The following TENM2 variants were observed in gnomAD, a reference collection of about 807,000 sequenced individuals.
TENM2 encodes teneurin-2.
A neutral mutation model predicts 245.2 loss-of-function variants in TENM2; 52 were observed. The ratio of observed to expected loss-of-function variants is 0.21; its 90% CI spans 0.17 to 0.27. The LOEUF is 0.27. Among genes scored for constraint, TENM2 ranks in the 10% least tolerant of loss-of-function variants. The probability of loss-of-function intolerance (pLI) is 1.00; values close to 1 mark genes in which losing one functional copy is unlikely to be tolerated. For missense variants in TENM2, 3,046 were observed against 3,666.8 expected (o/e 0.83, Z 4.37); for synonymous variants, 1,363 against 1,438.9 (o/e 0.95, Z 1.19).
intron 2 of TENM2, among the ~76,000 whole-genome samples, chr5:167,394,580 T>G (rs1761950242): frequency 6.6e-6 from 1 of 152,004 alleles, no homozygotes; most frequent in Admixed American, 6.6e-5. Flanking sequence ...ATGTATGTAT[T>G]TATTTAGTTA....
In TENM2 at chr5:168,247,885, G is replaced by T. The variant is rs752431130; in HGVS notation, c.6946G>T (p.Gly2316Cys). 1 of 1,613,818 alleles carries T rather than the reference G, an allele frequency of 6.2e-7. No individual in the cohort carries two copies. The highest frequency in any genetic ancestry group is 8.5e-7 in the Non-Finnish European group (1 of 1,179,868). Residue 2316 changes from glycine (G) to cysteine (C), a missense_variant, in exon 27 of 29, where the codon GGC becomes TGC. By Grantham distance (159) the Gly-to-Cys change is radical. Transcript: ENST00000518659. The surrounding 1 kb of genome is among the most constrained non-coding windows in gnomAD (Gnocchi z 7.8). ...GCGGGCTTCCTACAAGACCAACCTG[G>T]GCCACCACCTGCAGTACTTCTACTC...
intron 1 of TENM2, chr5:167,309,967 TAGAC>T (rs550539908): frequency 9.8e-5 from 15 of 152,338 alleles, no homozygotes; most frequent in African/African-American, 2.9e-4. Context: ...ATTACTAAAA[TAGAC>T]AGAGAAAATA....
chr5:167,328,466 C>A (rs558165704), intron 1 of TENM2, among the ~76,000 whole-genome samples: 1 of 152,178 alleles, frequency 6.6e-6, no homozygotes, highest in Non-Finnish European at 1.5e-5. Flanking sequence ...AAGTGGATTA[C>A]AGGCGTGAGC....
the TENM2 span, among the ~76,000 whole-genome samples, chr5:167,228,043 T>TTTTATTTTAC: frequency 0.21 from 31,252 of 151,782 alleles, 3,748 homozygotes; most frequent in African/African-American, 0.33. Context: ...TTTTATTTTA[T>TTTTATTTTAC]TTTTTGACTG....
the TENM2 span, among the ~76,000 whole-genome samples, chr5:167,190,752 G>T: frequency 6.6e-6 from 1 of 152,030 alleles, no homozygotes; most frequent in Non-Finnish European, 1.5e-5. Context: ...CTCATCTGCA[G>T]TGTTGAGGGG....
intron 2 of TENM2, among the ~76,000 whole-genome samples, chr5:167,731,116 C>T (rs1760396627): frequency 6.6e-6 from 1 of 151,474 alleles, no homozygotes; most frequent in South Asian, 2.1e-4. Context: ...TTGAAAGATG[C>T]AAATAATCTT....
intron 2 of TENM2, among the ~76,000 whole-genome samples, chr5:167,461,232 T>TA (rs1200583775): frequency 1.3e-5 from 2 of 152,054 alleles, no homozygotes; most frequent in Non-Finnish European, 2.9e-5. Flanking sequence ...TTTTTTTTTT[T>TA]AACTTTCTTT....
the TENM2 span, among the ~76,000 whole-genome samples, chr5:167,196,566 G>GTGTATA: frequency 6.3e-5 from 9 of 143,470 alleles, no homozygotes; most frequent in African/African-American, 2.1e-4. Flanking sequence ...ATATGTGTGT[G>GTGTATA]TATATATATA....
At chr5:167,466,827 C>G (rs1036471142) in intron 2 of TENM2, among the ~76,000 whole-genome samples, 1 of 152,060 alleles carries the variant, frequency 6.6e-6, no homozygotes, top group Non-Finnish European at 1.5e-5. Flanking sequence ...ATGATTTTCT[C>G]ACGTAAGCAA....
the TENM2 span, among the ~76,000 whole-genome samples, chr5:167,264,105 CAAA>C: frequency 1.2e-3 from 131 of 106,968 alleles, no homozygotes; most frequent in African/African-American, 3.1e-3. Context: ...AACTCTGTCT[CAAA>C]AAAAAAAAAA....
intron 13 of TENM2, among the ~76,000 whole-genome samples, chr5:168,178,103 C>T (rs574005501): frequency 2.0e-5 from 3 of 152,280 alleles, no homozygotes; most frequent in African/African-American, 7.2e-5. Context: ...CCAAGCCTCC[C>T]ATCTTCCCCC....
At chr5:167,445,369 A>AGAGAGAGAGAGAGAGTGT (rs35699708) in intron 2 of TENM2, among the ~76,000 whole-genome samples, 4 of 98,576 alleles carry the variant, frequency 4.1e-5, no homozygotes, top group African/African-American at 1.0e-4. Context: ...AGAGAGAGAG[A>AGAGAGAGAGAGAGAGTGT]GTGTCAGGTG....
chr5:167,436,600 G>A (rs1764568812), intron 2 of TENM2, among the ~76,000 whole-genome samples: 1 of 152,210 alleles, frequency 6.6e-6, no homozygotes, highest in Admixed American at 6.5e-5. Context: ...AACGGGGAAA[G>A]TGTCTCCAGG....
chr5:167,569,726 G>A (rs939895378), intron 2 of TENM2, among the ~76,000 whole-genome samples: 25 of 152,132 alleles, frequency 1.6e-4, no homozygotes, highest in African/African-American at 5.8e-4. Flanking sequence ...TCATTATTGG[G>A]TAGGTGTTAG....
chr5:168,065,854 G>GTTTTT (rs546874434), intron 7 of TENM2, among the ~76,000 whole-genome samples: 2 of 144,132 alleles, frequency 1.4e-5, no homozygotes, highest in African/African-American at 2.5e-5. Context: ...AAGAACAAAG[G>GTTTTT]TTTTTTTTTT....
At chr5:167,421,496 G>C (rs1392615951) in intron 2 of TENM2, among the ~76,000 whole-genome samples, 2 of 152,126 alleles carry the variant, frequency 1.3e-5, no homozygotes, top group Non-Finnish European at 2.9e-5. Flanking sequence ...TGCTCAACAG[G>C]TGGCCCTCCT....
chr5:168,252,058 GA>G (rs1767161962), intron 27 of TENM2, among the ~76,000 whole-genome samples: 1 of 152,208 alleles, frequency 6.6e-6, no homozygotes, highest in South Asian at 2.1e-4. Flanking sequence ...TACCTGTGAT[GA>G]AAAGATATGA....
At chr5:167,662,693 C>A (rs1755293501) in intron 2 of TENM2, among the ~76,000 whole-genome samples, 1 of 152,168 alleles carries the variant, frequency 6.6e-6, no homozygotes, top group African/African-American at 2.4e-5. Flanking sequence ...ATGTTTTGTT[C>A]ACCATTGTTT....
At chr5:167,182,894 A>AT in the TENM2 span, among the ~76,000 whole-genome samples, 1 of 152,178 alleles carries the variant, frequency 6.6e-6, no homozygotes, top group African/African-American at 2.4e-5. Context: ...ATATTAATGC[A>AT]TTTTTAAATA....
Sources: gnomAD v4.1 joint callset for allele counts (sites outside exome capture counted in the v4.1 genomes callset) on GRCh38, gnomAD v4.1.1 for gene constraint, Gnocchi (gnomAD v3.1) non-coding constraint, MANE v1.5 for transcripts, NCBI Gene and HGNC (gene_info 2026-07-23, HGNC 2026-07-21) for gene names.